The following XIRP2 variants were observed in gnomAD, a reference collection of about 807,000 sequenced individuals.
XIRP2 encodes xin actin-binding repeat-containing protein 2.
XIRP2 carries 236 observed loss-of-function variants against 277.0 expected under a neutral mutation model. That is an observed-to-expected ratio of 0.85 (90% CI 0.77 to 0.95). The LOEUF (loss-of-function observed/expected upper bound fraction) is 0.95. Among genes scored for constraint, XIRP2 ranks in the 40% least tolerant of loss-of-function variants. XIRP2 has a pLI of 0.00. For synonymous variants in XIRP2, 1,490 were observed against 1,416.5 expected, an observed-to-expected ratio of 1.05 and a Z score of -1.17; for missense variants, 4,640 against 4,157.5, an observed-to-expected ratio of 1.12 and a Z score of -3.19.
intron 2 of XIRP2, among the ~76,000 whole-genome samples, chr2:167,015,933 C>T (rs994264452): frequency 6.6e-6 from 1 of 151,608 alleles, no homozygotes; most frequent in African/African-American, 2.4e-5. Context: ...ATCTTTGTCT[C>T]TACCAACTCT....
Position 167,250,975 on chromosome 2 carries a change from G to A in XIRP2, c.9583G>A (p.Gly3195Arg), listed in dbSNP as rs200598493. 2 of 1,613,580 alleles carry A rather than the reference G, an allele frequency of 1.2e-6. No homozygotes were observed. The highest frequency in any genetic ancestry group is 1.3e-5 in the African/African-American group (1 of 74,940). The change falls in exon 9 of 11, where the codon GGG (glycine) becomes AGG (arginine). Residue 3195 changes from glycine (G) to arginine (R), a missense_variant. Coordinates refer to ENST00000409195, the MANE Select transcript of XIRP2 (RefSeq NM_152381.6). The part of the protein sequence containing the change: ...LKDTTAKLSK[G>R]AIPCPAATPV... ...AGACACCACTGCAAAGTTATCCAAA[G>A]GGGCCATCCCATGTCCAGCAGCAAC...
chr2:167,256,039 T>C (rs1378592479), intron 10 of XIRP2, among the ~76,000 whole-genome samples: 1 of 151,750 alleles, frequency 6.6e-6, no homozygotes, highest in Non-Finnish European at 1.5e-5. Flanking sequence ...CCACAGATTT[T>C]TTTCTTTTTA....
chr2:167,236,904 C>G (rs777471819), intron 5 of XIRP2, among the ~76,000 whole-genome samples: 1 of 152,046 alleles, frequency 6.6e-6, no homozygotes, highest in Non-Finnish European at 1.5e-5. Context: ...TCTATAGACA[C>G]CAACAATTAG....
chr2:167,195,357 T>C (rs893283966), intron 3 of XIRP2, among the ~76,000 whole-genome samples: 3 of 152,226 alleles, frequency 2.0e-5, no homozygotes, highest in African/African-American at 7.2e-5. Flanking sequence ...ACCTTGTCAG[T>C]AATTTGACCT....
At chr2:166,932,265 G>A (rs924573595) in intron 2 of XIRP2, among the ~76,000 whole-genome samples, 1 of 150,438 alleles carries the variant, frequency 6.6e-6, no homozygotes, top group African/African-American at 2.5e-5. Context: ...CTCCCAAACT[G>A]GAGTGCAGTG....
Position 167,254,052 on chromosome 2 carries a change from G to T in XIRP2, c.10576G>T (p.Gly3526Ter). The T allele has an allele frequency of 6.3e-7, 1 of 1,594,178 alleles. No homozygotes were observed. The highest frequency in any genetic ancestry group is 8.5e-7 in the Non-Finnish European group (1 of 1,170,274). Reference protein sequence around the residue: ...FISEAAAPRQGNMYTLSKDSL... With the variant: ...FISEAAAPRQ ...TTTAGAAGCTGCTGCTCCAAGACAA[G>T]GAAATATGTATACTTTGTCAAAAGA... Residue 3526 changes from glycine (G) to a stop codon, truncating the protein, a stop_gained, in exon 10 of 11, where the codon GGA becomes TGA. Coordinates refer to ENST00000409195, the MANE Select transcript of XIRP2 (RefSeq NM_152381.6). LOFTEE classifies it high-confidence loss of function.
intron 2 of XIRP2, among the ~76,000 whole-genome samples, chr2:166,980,570 C>T (rs1219271953): frequency 1.3e-5 from 2 of 152,100 alleles, no homozygotes; most frequent in Non-Finnish European, 2.9e-5. Flanking sequence ...GCACCCGCCA[C>T]CACGTCTGGC....
At chr2:167,133,980 T>C (rs1200368399) in intron 2 of XIRP2, among the ~76,000 whole-genome samples, 2 of 152,136 alleles carry the variant, frequency 1.3e-5, no homozygotes, top group Non-Finnish European at 2.9e-5. Flanking sequence ...ACAAGTTCTT[T>C]TTCTCTATTT....
chr2:167,086,442 A>G (rs1225744341), intron 2 of XIRP2, among the ~76,000 whole-genome samples: 6 of 151,748 alleles, frequency 4.0e-5, no homozygotes, highest in Non-Finnish European at 8.8e-5. Flanking sequence ...CTTCTCAAGG[A>G]GTATCTTTGT....
At chr2:167,051,567 G>A (rs1011947404) in intron 2 of XIRP2, among the ~76,000 whole-genome samples, 5 of 152,068 alleles carry the variant, frequency 3.3e-5, no homozygotes, top group Admixed American at 2.6e-4. Context: ...CCTACAACTT[G>A]CTTCTTTCAC....
chr2:166,912,815 C>G (rs1301195172), intron 2 of XIRP2, among the ~76,000 whole-genome samples: 3 of 152,256 alleles, frequency 2.0e-5, no homozygotes, highest in Admixed American at 2.0e-4. Flanking sequence ...TGTTAGTTTT[C>G]CTTCTAACAG....
intron 2 of XIRP2, among the ~76,000 whole-genome samples, chr2:167,115,004 C>A (rs1200906203): frequency 6.6e-6 from 1 of 152,018 alleles, no homozygotes; most frequent in East Asian, 1.9e-4. Flanking sequence ...GTTCTAGATC[C>A]CTGAGGAATC....
At chr2:167,093,850 C>A (rs1010526030) in intron 2 of XIRP2, among the ~76,000 whole-genome samples, 8 of 152,034 alleles carry the variant, frequency 5.3e-5, no homozygotes, top group African/African-American at 1.7e-4. Context: ...GATTGCTGGG[C>A]CAAATGGTAT....
chr2:167,126,752 A>G (rs944865026), intron 2 of XIRP2, among the ~76,000 whole-genome samples: 6 of 152,134 alleles, frequency 3.9e-5, no homozygotes, highest in African/African-American at 1.2e-4. Context: ...ACTCCCATCC[A>G]TCTACATATC....
chr2:167,238,352 C>A (rs1694959878), intron 5 of XIRP2, among the ~76,000 whole-genome samples: 2 of 152,018 alleles, frequency 1.3e-5, no homozygotes. Flanking sequence ...ACGTGTAAGT[C>A]CATATTTTGT....
At chr2:167,253,648 G>T (rs1170891124) in intron 9 of XIRP2, among the ~76,000 whole-genome samples, 1 of 151,558 alleles carries the variant, frequency 6.6e-6, no homozygotes, top group Non-Finnish European at 1.5e-5. Context: ...ACAATGATAA[G>T]TTATCTCAGA....
intron 2 of XIRP2, among the ~76,000 whole-genome samples, chr2:167,061,727 A>C (rs1689178673): frequency 6.6e-6 from 1 of 152,096 alleles, no homozygotes; most frequent in Non-Finnish European, 1.5e-5. Context: ...TTGAAGGTGG[A>C]AGCAGAGAGT....
At chr2:166,896,742 T>C (rs1684254082) in intron 1 of XIRP2, among the ~76,000 whole-genome samples, 1 of 152,118 alleles carries the variant, frequency 6.6e-6, no homozygotes, top group Non-Finnish European at 1.5e-5. Context: ...ACAGCAGGAG[T>C]GTACAGTAAT....
chr2:166,970,736 G>C (rs1319762201), intron 2 of XIRP2, among the ~76,000 whole-genome samples: 1 of 151,766 alleles, frequency 6.6e-6, no homozygotes, highest in African/African-American at 2.4e-5. Context: ...GTTCTCCTAA[G>C]TTAACATAAA....
Sources: gnomAD v4.1 joint callset for allele counts (sites outside exome capture counted in the v4.1 genomes callset) on GRCh38, gnomAD v4.1.1 for gene constraint, MANE v1.5 for transcripts, NCBI Gene and HGNC (gene_info 2026-07-23, HGNC 2026-07-21) for gene names.